Variants in SERPINF1 observed in about 807,000 individuals in gnomAD.
The protein encoded by SERPINF1 is pigment epithelium-derived factor.
In SERPINF1, 29 loss-of-function variants were observed where a neutral mutation model predicts 37.3. The observed-to-expected ratio is 0.78, with a 90% CI of 0.58 to 1.06. The LOEUF (loss-of-function observed/expected upper bound fraction) is 1.06, where lower values mean the gene tolerates loss of function less well. Ranked by LOEUF, SERPINF1 falls within the 50% of genes least tolerant of loss-of-function variation. SERPINF1 has a pLI of 0.00. For missense variants in SERPINF1, 553 were observed against 532.2 expected (o/e 1.04, Z -0.38); for synonymous variants, 281 against 227.9 (o/e 1.23, Z -2.10).
At chr17:1,776,488 T>C (rs772130238) in intron 6 of SERPINF1, 44 bp from the exon 7 acceptor site, 1 of 1,594,928 alleles carries the variant, frequency 6.3e-7, no homozygotes, top group East Asian at 2.2e-5. Context: ...TCCCCGGCTT[T>C]TGGGCTCTGA....
At chr17:1,772,139 T>C (rs899865886) in intron 5 of SERPINF1, 64 bp downstream of exon 5, 2 of 1,508,006 alleles carry the variant, frequency 1.3e-6, no homozygotes, top group African/African-American at 2.8e-5. Flanking sequence ...ATTAATTCGA[T>C]GGAGTCTTAC....
chr17:1,763,782 G>A lies in SERPINF1; in HGVS notation c.-9+1669G>A, dbSNP rs544299455. ...CACCTCACCTCAGCCTACCCACATT[G>A]TGACAATCATCTACCACCTGATCTG... On this transcript the variant is annotated intron_variant, in intron 1 of 7. Transcript: ENST00000254722. 3.9e-5 allele frequency among the ~76,000 whole-genome samples: 6 copies of A among 152,350 alleles called. No individual in the cohort carries two copies. The East Asian group carries it at 1.2e-3, about 29-fold the overall frequency.
chr17:1,766,857 G>A, intron 1 of SERPINF1, 46 bp from the exon 2 acceptor site: 2 of 1,520,500 alleles, frequency 1.3e-6, no homozygotes, highest in Non-Finnish European at 8.9e-7. Context: ...GCGGGGCAGT[G>A]CAGTGTCGGG....
Position 1,770,075 on chromosome 17 carries a change from C to T in SERPINF1, c.283+25C>T, listed in dbSNP as rs551483462. On this transcript the variant is annotated intron_variant, in intron 3 of 7. Transcript: ENST00000254722. ...GGTGAGTGCTCAGATGCAGGAAGCCCCAGGCAGACCTGGAGAGGCCCCCTG... is the reference window on the plus strand; with the variant it reads ...GGTGAGTGCTCAGATGCAGGAAGCCTCAGGCAGACCTGGAGAGGCCCCCTG... 8.3e-4 allele frequency: 1,334 copies of T among 1,613,168 alleles called. 18 individuals are homozygous for T. The South Asian group carries it at 0.014, about 17-fold the overall frequency.
Position 1,777,227 on chromosome 17 carries a change from C to T in SERPINF1, c.1038C>T (p.Ile346=). 5 of 1,614,126 alleles carry T rather than the reference C, an allele frequency of 3.1e-6. No individual in the cohort carries two copies. The highest frequency in any genetic ancestry group is 4.2e-6 in the Non-Finnish European group (5 of 1,180,028). ...TTGATTCACCAGACTTTAGCAAGAT[C>T]ACAGGCAAACCCATCAAGCTGACTC... ...SLFDSPDFSK[I]TGKPIKLTQV... The change falls in exon 8 of 8, where the codon ATC becomes ATT. Residue 346 remains isoleucine (I), a synonymous_variant. Coordinates refer to ENST00000254722, the MANE Select transcript of SERPINF1 (RefSeq NM_002615.7).
Position 1,774,975 on chromosome 17 carries a change from A to T in SERPINF1, c.644-83A>T, listed in dbSNP as rs989032532. Reference sequence around the variant, plus strand: ...GCTCCCTTGAGTGGGGCAATTTTCAACAACGTGCTCTGGGGACACAGCATG... The same window carrying T: ...GCTCCCTTGAGTGGGGCAATTTTCATCAACGTGCTCTGGGGACACAGCATG... On this transcript the variant is annotated intron_variant, in intron 5 of 7. Transcript: ENST00000254722. 3.8e-6 allele frequency: 6 copies of T among 1,591,056 alleles called. No homozygotes were observed. In the African/African-American group the frequency reaches 8.1e-5, roughly 21 times the overall value.
At chr17:1,771,332 T>G (rs958299964) in intron 4 of SERPINF1, 148 bp downstream of exon 4, 21 of 783,642 alleles carry the variant, frequency 2.7e-5, no homozygotes, top group Non-Finnish European at 3.9e-5. Flanking sequence ...CACTGCAACC[T>G]CCACCTCCCG....
Position 1,767,454 on chromosome 17 carries a change from C to A in SERPINF1, c.84+460C>A, listed in dbSNP as rs551668169. Among the ~76,000 whole-genome samples the A allele has an allele frequency of 2.6e-5, 4 of 152,318 alleles. No individual in the cohort carries two copies. In the East Asian group the frequency reaches 5.8e-4, roughly 22 times the overall value. ...ACCGCACCTGGCCAGGATCTTTTCTCATTACCTTGTCTTCCTAGTGGGGGC... is the reference window on the plus strand; with the variant it reads ...ACCGCACCTGGCCAGGATCTTTTCTAATTACCTTGTCTTCCTAGTGGGGGC... On this transcript the variant is annotated intron_variant, in intron 2 of 7. Transcript: ENST00000254722.
intron 1 of SERPINF1, 184 bp from the exon 2 acceptor site, chr17:1,766,719 G>A (rs938113875): frequency 3.2e-5 from 19 of 602,124 alleles, no homozygotes; most frequent in Non-Finnish European, 5.1e-5. Context: ...TGGGAGGGAT[G>A]GGCCATCAAG....
rs375166726 is a variant in SERPINF1, at chr17:1,770,028, G to A, written c.261G>A (p.Thr87=). 1.2e-5 allele frequency: 20 copies of A among 1,613,998 alleles called. No individual in the cohort carries two copies. The highest frequency in any genetic ancestry group is 1.1e-4 in the African/African-American group (8 of 74,920). The change falls in exon 3 of 8, where the codon ACG becomes ACA. Residue 87 remains threonine (T), a synonymous_variant. Coordinates refer to ENST00000254722, the MANE Select transcript of SERPINF1 (RefSeq NM_002615.7). ...NVLLSPLSVA[T]ALSALSLGAE... ...TCCTGTCTCCTCTCAGTGTGGCCAC[G>A]GCCCTCTCGGCCCTCTCGCTGGGTG...
In SERPINF1 at chr17:1,769,870, A is replaced by G. The variant is rs1171858928; in HGVS notation, c.103A>G (p.Ser35Gly). ...PPEEGSPDPD[S>G]TGALVEEEDP... is the part of the protein sequence containing the mutation. ...CTGCCAGGGCTCCCCAGACCCCGAC[A>G]GCACAGGGGCGCTGGTGGAGGAGGA... The change falls in exon 3 of 8, where the codon AGC (serine) becomes GGC (glycine). Residue 35 changes from serine (S) to glycine (G), a missense_variant. By Grantham distance (56) the Ser-to-Gly change is moderately conservative. Coordinates refer to ENST00000254722, the MANE Select transcript of SERPINF1 (RefSeq NM_002615.7). The G allele has an allele frequency of 6.2e-7, 1 of 1,614,092 alleles. No homozygotes were observed. Among genetic ancestry groups the G allele is most frequent in the Non-Finnish European group, 8.5e-7 (1 of 1,180,040 alleles).
rs6828 is a variant in SERPINF1, at chr17:1,776,708, T to C, written c.963T>C (p.Tyr321=). 0.72 allele frequency: 1,163,318 copies of C among 1,612,732 alleles called. 422,159 individuals are homozygous for C. Among genetic ancestry groups the C allele is most frequent in the African/African-American group, 0.9 (67,041 of 74,654 alleles). The change falls in exon 7 of 8, where the codon TAT becomes TAC. Residue 321 remains tyrosine (Y), a synonymous_variant. Coordinates refer to ENST00000254722, the MANE Select transcript of SERPINF1 (RefSeq NM_002615.7). The part of the protein sequence containing the change: ...VLTVPKLKLS[Y]EGEVTKSLQE... ...CTGTCCCCAAGCTGAAGCTGAGTTA[T>C]GAAGGCGAAGTCACCAAGTCCCTGC... is the stretch of plus-strand genomic sequence containing the variant.
In SERPINF1 at chr17:1,777,178, T is replaced by A; in HGVS notation, c.998-9T>A. On this transcript the variant is annotated splice_polypyrimidine_tract_variant and intron_variant, in intron 7 of 7. Transcript: ENST00000254722. Reference sequence around the variant, plus strand: ...GGGTTTTAACGGAAATCTCTCTCCATCTCTACAGAGCTGCAATCCTTGTTT... The same window carrying A: ...GGGTTTTAACGGAAATCTCTCTCCAACTCTACAGAGCTGCAATCCTTGTTT... 6.2e-7 allele frequency: 1 copy of A among 1,613,994 alleles called. No homozygotes were observed. The highest frequency in any genetic ancestry group is 8.5e-7 in the Non-Finnish European group (1 of 1,180,006).
At position 1,777,378 on chromosome 17, in the gene SERPINF1, G is replaced by A. The variant is rs9809; in HGVS notation, c.1189G>A (p.Val397Ile). The A allele has an allele frequency of 2.4e-5, 39 of 1,613,894 alleles. No homozygotes were observed. Among genetic ancestry groups the A allele is most frequent in the Non-Finnish European group, 3.1e-5 (37 of 1,180,022 alleles). ...DYHLNQPFIF[V>I]LRDTDTGALL... is the part of the protein sequence containing the mutation. ...TCACCTTAACCAGCCTTTCATCTTC[G>A]TACTGAGGGACACAGACACAGGGGC... The change falls in exon 8 of 8, where the codon GTA becomes ATA. Residue 397 changes from valine (V) to isoleucine (I), a missense_variant. By Grantham distance (29) the Val-to-Ile change is conservative. Coordinates refer to ENST00000254722, the MANE Select transcript of SERPINF1 (RefSeq NM_002615.7).
intron 2 of SERPINF1, among the ~76,000 whole-genome samples, chr17:1,768,346 G>A (rs1418401495): frequency 2.7e-5 from 4 of 150,084 alleles, no homozygotes; most frequent in East Asian, 4.0e-4. Context: ...CAGGAGAATG[G>A]CGTGAACCCG....
rs915827286 is a variant in SERPINF1, at chr17:1,777,451, C to A, written c.*5C>A. 4 of 1,613,920 alleles carry A rather than the reference C, an allele frequency of 2.5e-6. No homozygotes were observed. The highest frequency in any genetic ancestry group is 3.4e-6 in the Non-Finnish European group (4 of 1,180,044). ...CTGGACCCCAGGGGCCCCTAATATC[C>A]CAGTTTAATATTCCAATACCCTAGA... On this transcript the variant is annotated 3_prime_UTR_variant, in exon 8 of 8. Transcript: ENST00000254722.
At chr17:1,768,536 C>T (rs1014292610) in intron 2 of SERPINF1, among the ~76,000 whole-genome samples, 14 of 151,490 alleles carry the variant, frequency 9.2e-5, no homozygotes, top group South Asian at 2.1e-4. Flanking sequence ...TACAGTGGTG[C>T]GATCTTGGCT....
chr17:1,776,722 C>T lies in SERPINF1; in HGVS notation c.977C>T (p.Thr326Ile), dbSNP rs1418184396. 1.2e-6 allele frequency: 2 copies of T among 1,613,002 alleles called. No individual in the cohort carries two copies. Among genetic ancestry groups the T allele is most frequent in the Non-Finnish European group, 8.5e-7 (1 of 1,179,578 alleles). Residue 326 changes from threonine (T) to isoleucine (I), a missense_variant, in exon 7 of 8, where the codon ACC (threonine) becomes ATC (isoleucine). By Grantham distance (89) the Thr-to-Ile change is moderately conservative. Transcript: ENST00000254722. The part of the protein sequence containing the change: ...KLKLSYEGEV[T>I]KSLQEMKLQS... ...AAGCTGAGTTATGAAGGCGAAGTCA[C>T]CAAGTCCCTGCAGGAGATGAGTATG...
Position 1,766,924 on chromosome 17 carries a change from T to A in SERPINF1, c.14T>A (p.Val5Glu). ...GCAGGCCCCAGGATGCAGGCCCTGG[T>A]GCTACTCCTCTGCATTGGAGCCCTC... MQAL[V>E]LLLCIGALLG... Residue 5 changes from valine (V) to glutamate (E), a missense_variant, in exon 2 of 8, where the codon GTG (valine) becomes GAG (glutamate). Coordinates refer to ENST00000254722, the MANE Select transcript of SERPINF1 (RefSeq NM_002615.7). 1 of 1,562,924 alleles carries A rather than the reference T, an allele frequency of 6.4e-7. No individual in the cohort carries two copies. Among genetic ancestry groups the A allele is most frequent in the Non-Finnish European group, 8.7e-7 (1 of 1,153,510 alleles).
Sources: gnomAD v4.1 joint callset for allele counts (sites outside exome capture counted in the v4.1 genomes callset) on GRCh38, gnomAD v4.1.1 for gene constraint, MANE v1.5 for transcripts, NCBI Gene and HGNC (gene_info 2026-07-23, HGNC 2026-07-21) for gene names.